Variants in RIC8B observed in about 807,000 individuals in gnomAD.
RIC8B encodes RIC8 guanine nucleotide exchange factor B.
RIC8B carries 16 observed loss-of-function variants against 57.5 expected under a neutral mutation model. The observed-to-expected ratio is 0.28, with a 90% CI of 0.19 to 0.42. The LOEUF is 0.42. RIC8B is among the 10% of genes least tolerant of loss of function. RIC8B has a pLI of 1.00. For missense variants in RIC8B, 481 were observed against 677.0 expected (o/e 0.71, Z 3.21); for synonymous variants, 216 against 250.8 (o/e 0.86, Z 1.31).
At chr12:106,813,187 CTTTT>C (rs35584850) in intron 2 of RIC8B, among the ~76,000 whole-genome samples, 5 of 98,688 alleles carry the variant, frequency 5.1e-5, no homozygotes, top group Non-Finnish European at 1.0e-4. Flanking sequence ...AATACTATGC[CTTTT>C]TTTTTTTTTT....
intron 9 of RIC8B, among the ~76,000 whole-genome samples, chr12:106,878,277 C>G (rs1414213091): frequency 6.6e-6 from 1 of 152,040 alleles, no homozygotes; most frequent in Non-Finnish European, 1.5e-5. Flanking sequence ...CAGTATCTAA[C>G]TGAACATGTT....
At chr12:106,812,036 A>G (rs954730495) in intron 2 of RIC8B, among the ~76,000 whole-genome samples, 3 of 133,302 alleles carry the variant, frequency 2.3e-5, no homozygotes, top group Admixed American at 7.5e-5. Context: ...TCTATTAAAC[A>G]TCACTTTTAT....
intron 6 of RIC8B, 85 bp from the exon 7 acceptor site, chr12:106,851,365 T>A: frequency 1.1e-5 from 8 of 696,054 alleles, no homozygotes; most frequent in South Asian, 1.7e-5. Context: ...CCAGTAGACA[T>A]TACAAGACTG....
chr12:106,870,795 A>G (rs1329384481), intron 8 of RIC8B, 28 bp from the exon 9 acceptor site: 1 of 1,467,072 alleles, frequency 6.8e-7, no homozygotes, highest in East Asian at 2.5e-5. Context: ...TTTAAAACAT[A>G]CAGCATAACT....
chr12:106,844,026 C>G, intron 6 of RIC8B, 79 bp downstream of exon 6: 1 of 999,646 alleles, frequency 1.0e-6, no homozygotes, highest in Non-Finnish European at 1.6e-6. Context: ...TGAATTTTCT[C>G]ACAATGATTT....
chr12:106,869,374 G>A (rs146022228), intron 8 of RIC8B, among the ~76,000 whole-genome samples: 74 of 152,068 alleles, frequency 4.9e-4, no homozygotes, highest in African/African-American at 1.6e-3. Context: ...CCAACCGAAA[G>A]TCTCAAAGAC....
At chr12:106,802,534 ATTTTTTTTTTTTTTT>A (rs34706345) in intron 2 of RIC8B, among the ~76,000 whole-genome samples, 2 of 102,194 alleles carry the variant, frequency 2.0e-5, no homozygotes, top group Non-Finnish European at 3.9e-5. Context: ...CAATATGAGA[ATTTTTTTTTTTTTTT>A]TTTTTTTTTT....
chr12:106,777,410 G>T (rs187960354), intron 1 of RIC8B, among the ~76,000 whole-genome samples: 7 of 152,176 alleles, frequency 4.6e-5, no homozygotes, highest in Admixed American at 1.3e-4. Flanking sequence ...AAAATAGTTG[G>T]GTACCATATA....
chr12:106,813,657 A>G (rs1166699315), intron 2 of RIC8B, among the ~76,000 whole-genome samples: 5 of 152,206 alleles, frequency 3.3e-5, no homozygotes, highest in African/African-American at 9.7e-5. Flanking sequence ...CAAGATCACA[A>G]TGGGACCCAC....
chr12:106,864,872 T>G (rs1449184208), intron 8 of RIC8B, among the ~76,000 whole-genome samples: 1 of 152,174 alleles, frequency 6.6e-6, no homozygotes, highest in Admixed American at 6.6e-5. Context: ...TTTCTGTCTC[T>G]ATGGAATCTA....
At chr12:106,800,812 A>G (rs1176692942) in intron 2 of RIC8B, among the ~76,000 whole-genome samples, 3 of 152,210 alleles carry the variant, frequency 2.0e-5, no homozygotes, top group Non-Finnish European at 4.4e-5. Context: ...GATTGTATAT[A>G]GGAAAGAACT....
At chr12:106,829,008 A>G (rs1401104957) in intron 4 of RIC8B, among the ~76,000 whole-genome samples, 1 of 152,226 alleles carries the variant, frequency 6.6e-6, no homozygotes, top group Admixed American at 6.5e-5. Flanking sequence ...TTGTCTTTGT[A>G]AGACAGTGCA....
chr12:106,842,059 A>G (rs1948976576), intron 4 of RIC8B, among the ~76,000 whole-genome samples: 1 of 152,220 alleles, frequency 6.6e-6, no homozygotes, highest in African/African-American at 2.4e-5. Flanking sequence ...CATATGTCTT[A>G]CAAAAATTGG....
At chr12:106,829,223 C>CTA (rs1324784029) in intron 4 of RIC8B, among the ~76,000 whole-genome samples, 1 of 152,190 alleles carries the variant, frequency 6.6e-6, no homozygotes, top group Non-Finnish European at 1.5e-5. Context: ...GAAGGACATC[C>CTA]TAATTCTGTT....
chr12:106,778,156 C>T (rs909115359), intron 1 of RIC8B, among the ~76,000 whole-genome samples: 8 of 152,136 alleles, frequency 5.3e-5, no homozygotes, highest in African/African-American at 1.4e-4. Context: ...TGGGATAGCA[C>T]GATATTAAAA....
intron 7 of RIC8B, among the ~76,000 whole-genome samples, chr12:106,851,987 G>A (rs1179818355): frequency 6.6e-6 from 1 of 152,130 alleles, no homozygotes; most frequent in East Asian, 1.9e-4. Flanking sequence ...TAAAGCTATA[G>A]GAGTTTTGGT....
At chr12:106,806,516 T>C (rs1245983399) in intron 2 of RIC8B, among the ~76,000 whole-genome samples, 1 of 152,120 alleles carries the variant, frequency 6.6e-6, no homozygotes, top group Admixed American at 6.6e-5. Context: ...CTCTAGGCAA[T>C]CTCATTTACT....
At chr12:106,845,585 C>G (rs1330920304) in intron 6 of RIC8B, among the ~76,000 whole-genome samples, 4 of 152,158 alleles carry the variant, frequency 2.6e-5, no homozygotes, top group Non-Finnish European at 5.9e-5. Flanking sequence ...TCCCCTCTCT[C>G]TCTTCTTATA....
intron 4 of RIC8B, among the ~76,000 whole-genome samples, chr12:106,835,870 G>A (rs1432125330): frequency 6.6e-6 from 1 of 152,164 alleles, no homozygotes; most frequent in Non-Finnish European, 1.5e-5. Flanking sequence ...TAGCATTCAG[G>A]GGTCTTTCCA....
Sources: allele counts gnomAD v4.1 joint callset (sites outside exome capture counted in the v4.1 genomes callset), GRCh38; gene constraint gnomAD v4.1.1; transcripts MANE v1.5; gene names NCBI Gene and HGNC (gene_info 2026-07-23, HGNC 2026-07-21).